MSH3: variants seen among roughly 807,000 people sequenced by gnomAD.
The protein encoded by MSH3 is mutS homolog 3.
In MSH3, 106 loss-of-function variants were observed where a neutral mutation model predicts 123.3. The ratio of observed to expected loss-of-function variants is 0.86; its 90% confidence interval spans 0.73 to 1.01. The LOEUF (loss-of-function observed/expected upper bound fraction) is 1.01. Ranked by LOEUF, MSH3 falls within the 50% of genes least tolerant of loss-of-function variation. The probability of loss-of-function intolerance (pLI) is 0.00; values close to 1 mark genes in which losing one functional copy is unlikely to be tolerated. For synonymous variants in MSH3, 515 were observed against 481.4 expected (o/e 1.07, Z -0.91); for missense variants, 1,459 against 1,347.6 (o/e 1.08, Z -1.29).
At chr5:80,655,913 C>T (rs1749272804) in intron 1 of MSH3, among the ~76,000 whole-genome samples, 1 of 152,116 alleles carries the variant, frequency 6.6e-6, no homozygotes, top group African/African-American at 2.4e-5. Flanking sequence ...AAGTTTTCTG[C>T]CAAGAAAAAA....
chr5:80,677,148 C>T (rs558005717), intron 7 of MSH3, among the ~76,000 whole-genome samples: 2 of 152,188 alleles, frequency 1.3e-5, no homozygotes, highest in Non-Finnish European at 2.9e-5. Flanking sequence ...TTCTTTTACC[C>T]TCGACACTGT....
intron 21 of MSH3, among the ~76,000 whole-genome samples, chr5:80,856,424 G>A (rs969328827): frequency 1.3e-5 from 2 of 151,278 alleles, no homozygotes; most frequent in African/African-American, 2.4e-5. Context: ...AGCTGGAAAC[G>A]ATCATTCTCA....
At chr5:80,834,830 G>A (rs1745481807) in intron 20 of MSH3, among the ~76,000 whole-genome samples, 1 of 152,002 alleles carries the variant, frequency 6.6e-6, no homozygotes, top group Non-Finnish European at 1.5e-5. Context: ...CCCTCCTTAA[G>A]AAAGAAACCC....
chr5:80,768,707 TA>T, intron 14 of MSH3, 127 bp from the exon 15 acceptor site: 1 of 763,762 alleles, frequency 1.3e-6, no homozygotes, highest in Non-Finnish European at 2.2e-6. Context: ...CATAAGTGCT[TA>T]GTGACAATTG....
At chr5:80,657,781 C>G (rs921286209) in intron 2 of MSH3, among the ~76,000 whole-genome samples, 2 of 151,970 alleles carry the variant, frequency 1.3e-5, no homozygotes, top group Non-Finnish European at 2.9e-5. Flanking sequence ...GAAATAACTA[C>G]AGGAATGGAG....
intron 20 of MSH3, among the ~76,000 whole-genome samples, chr5:80,816,633 A>G (rs1178617844): frequency 1.3e-5 from 2 of 152,236 alleles, no homozygotes; most frequent in African/African-American, 4.8e-5. Flanking sequence ...GAACCCAAAG[A>G]GCAGGCTCTT....
chr5:80,688,393 A>ATCT (rs1750140983), intron 8 of MSH3, among the ~76,000 whole-genome samples: 1 of 152,206 alleles, frequency 6.6e-6, no homozygotes, highest in African/African-American at 2.4e-5. Context: ...TCTGAGGTTT[A>ATCT]ACCAAAAGTA....
chr5:80,774,673 T>C (rs1290110125), intron 15 of MSH3, among the ~76,000 whole-genome samples: 1 of 152,082 alleles, frequency 6.6e-6, no homozygotes, highest in Non-Finnish European at 1.5e-5. Flanking sequence ...CATGGATGGA[T>C]TATGGAGGTC....
At chr5:80,719,382 A>G (rs1016265581) in intron 8 of MSH3, among the ~76,000 whole-genome samples, 1 of 152,142 alleles carries the variant, frequency 6.6e-6, no homozygotes, top group African/African-American at 2.4e-5. Context: ...CTGTGCAACT[A>G]GGGAGGCTAT....
intron 15 of MSH3, among the ~76,000 whole-genome samples, chr5:80,769,520 T>C (rs1744180840): frequency 6.6e-6 from 1 of 151,972 alleles, no homozygotes. Flanking sequence ...TTCTTGGGGG[T>C]GTGTACTTCT....
chr5:80,791,114 C>T (rs548040229), intron 18 of MSH3, among the ~76,000 whole-genome samples: 1 of 152,200 alleles, frequency 6.6e-6, no homozygotes, highest in Admixed American at 6.5e-5. Context: ...ATTCTTCTAT[C>T]TTTTATAATA....
chr5:80,703,339 CCTAA>C (rs757307827), intron 8 of MSH3, among the ~76,000 whole-genome samples: 1 of 152,142 alleles, frequency 6.6e-6, no homozygotes, highest in Non-Finnish European at 1.5e-5. Flanking sequence ...TTATGTAACT[CCTAA>C]CTATCAACCT....
intron 10 of MSH3, among the ~76,000 whole-genome samples, chr5:80,730,915 T>G (rs1301579832): frequency 6.8e-6 from 1 of 147,542 alleles, no homozygotes; most frequent in African/African-American, 2.5e-5. Context: ...TTTCTTTTTT[T>G]TTTTTTAGAT....
chr5:80,666,802 C>T (rs891951371), intron 3 of MSH3, among the ~76,000 whole-genome samples: 10 of 152,162 alleles, frequency 6.6e-5, no homozygotes, highest in African/African-American at 2.4e-4. Context: ...ATAAATGCCC[C>T]ATGGTCCAGG....
intron 17 of MSH3, among the ~76,000 whole-genome samples, chr5:80,786,218 A>G (rs1164560218): frequency 6.6e-6 from 1 of 152,168 alleles, no homozygotes; most frequent in Non-Finnish European, 1.5e-5. Flanking sequence ...CTATGTATGC[A>G]CAAAAATAAG....
At chr5:80,852,133 C>T (rs1403866381) in intron 20 of MSH3, among the ~76,000 whole-genome samples, 2 of 152,040 alleles carry the variant, frequency 1.3e-5, no homozygotes, top group Non-Finnish European at 2.9e-5. Flanking sequence ...CAACAACAGC[C>T]CAGGCAACAT....
intron 13 of MSH3, among the ~76,000 whole-genome samples, chr5:80,763,273 G>A (rs942306370): frequency 2.0e-5 from 3 of 152,192 alleles, no homozygotes; most frequent in African/African-American, 7.2e-5. Flanking sequence ...AGGTGCCCAA[G>A]AGGACTTACG....
At chr5:80,824,439 G>A (rs1745259022) in intron 20 of MSH3, among the ~76,000 whole-genome samples, 1 of 151,538 alleles carries the variant, frequency 6.6e-6, no homozygotes, top group African/African-American at 2.4e-5. Flanking sequence ...GCCGGGCGGG[G>A]GCTGCCCCCC....
intron 12 of MSH3, among the ~76,000 whole-genome samples, chr5:80,757,232 A>G (rs1743942376): frequency 2.0e-5 from 3 of 152,158 alleles, no homozygotes; most frequent in Non-Finnish European, 4.4e-5. Context: ...TGTGTTACAG[A>G]TATTCCCATT....
Sources: allele counts gnomAD v4.1 joint callset (sites outside exome capture counted in the v4.1 genomes callset), GRCh38; gene constraint gnomAD v4.1.1; transcripts MANE v1.5; gene names NCBI Gene and HGNC (gene_info 2026-07-23, HGNC 2026-07-21).